The following AHI1 variants were observed in gnomAD, a reference collection of about 807,000 sequenced individuals.
The protein encoded by AHI1 is jouberin.
Under a neutral mutation model 149.3 loss-of-function variants are expected in AHI1, and 123 were observed. The observed-to-expected ratio is 0.82, with a 90% CI of 0.71 to 0.96. The LOEUF is 0.96. Among genes scored for constraint, AHI1 ranks in the 40% least tolerant of loss-of-function variants. The pLI is 0.00. For synonymous variants in AHI1, 475 were observed against 459.8 expected, an observed-to-expected ratio of 1.03 and a Z score of -0.42; for missense variants, 1,439 against 1,422.7, an observed-to-expected ratio of 1.01 and a Z score of -0.18.
chr6:135,296,409 TCC>T (rs1783099731), intron 27 of AHI1, among the ~76,000 whole-genome samples: 1 of 152,190 alleles, frequency 6.6e-6, no homozygotes, highest in Admixed American at 6.5e-5. Flanking sequence ...TTTAATGGCT[TCC>T]TACTTCACTT....
Position 135,336,653 on chromosome 6 carries a change from A to G in AHI1, c.3166-13329T>C, listed in dbSNP as rs112643546. On this transcript the variant is annotated intron_variant, in intron 24 of 28. Transcript: ENST00000265602. Reference sequence around the variant, plus strand: ...TCTGTTTCTTAAACATCTCATTTAGATGCTTTAATTTTATTCAACCAAGGT... The same window carrying G: ...TCTGTTTCTTAAACATCTCATTTAGGTGCTTTAATTTTATTCAACCAAGGT... 5.7e-3 allele frequency among the ~76,000 whole-genome samples: 875 copies of G among 152,280 alleles called. 2 individuals are homozygous for G. The highest frequency in any genetic ancestry group is 9.2e-3 in the Non-Finnish European group (629 of 68,020).
intron 26 of AHI1, among the ~76,000 whole-genome samples, chr6:135,318,179 C>T (rs76209948): frequency 0.012 from 1,773 of 152,286 alleles, 27 homozygotes; most frequent in African/African-American, 0.039. Flanking sequence ...AAATGTTTAC[C>T]TCTCAGGTGG....
intron 23 of AHI1, among the ~76,000 whole-genome samples, chr6:135,364,467 G>T (rs1286456014): frequency 6.0e-5 from 9 of 150,760 alleles, no homozygotes; most frequent in Non-Finnish European, 1.0e-4. Context: ...AGGCGGAGAC[G>T]CTCCTCACTT....
chr6:135,415,092 C>T (rs1431999757), intron 20 of AHI1, among the ~76,000 whole-genome samples: 1 of 151,018 alleles, frequency 6.6e-6, no homozygotes, highest in African/African-American at 2.4e-5. Flanking sequence ...CGATAGTTTG[C>T]TGAGAATAAT....
chr6:135,473,675 T>A (rs944801216), intron 5 of AHI1, among the ~76,000 whole-genome samples: 8 of 152,162 alleles, frequency 5.3e-5, no homozygotes, highest in African/African-American at 1.9e-4. Flanking sequence ...GTCTTTATAT[T>A]CAGCACTTTG....
intron 8 of AHI1, among the ~76,000 whole-genome samples, chr6:135,461,953 T>C (rs925066254): frequency 6.6e-6 from 1 of 152,070 alleles, no homozygotes; most frequent in African/African-American, 2.4e-5. Context: ...GTGATTTTTC[T>C]GGGTGCTAAT....
chr6:135,385,337 G>C (rs1467286195), intron 23 of AHI1, among the ~76,000 whole-genome samples: 1 of 152,084 alleles, frequency 6.6e-6, no homozygotes, highest in East Asian at 1.9e-4. Context: ...ATAAGACATG[G>C]AAGAAAAGAG....
At chr6:135,330,856 T>C (rs1395917124) in intron 24 of AHI1, among the ~76,000 whole-genome samples, 1 of 152,234 alleles carries the variant, frequency 6.6e-6, no homozygotes, top group Non-Finnish European at 1.5e-5. Context: ...ATCATCATAT[T>C]GTATGTAGTA....
intron 15 of AHI1, among the ~76,000 whole-genome samples, chr6:135,433,806 T>C (rs931715772): frequency 2.0e-5 from 3 of 151,996 alleles, no homozygotes; most frequent in South Asian, 2.1e-4. Flanking sequence ...TCAAGTAAAA[T>C]AAGATTAAAA....
At chr6:135,474,499 T>G (rs1397038783) in intron 5 of AHI1, 3 of 152,156 alleles carry the variant, frequency 2.0e-5, no homozygotes, top group African/African-American at 7.2e-5. Context: ...TATTCTTTTT[T>G]TTTTTTTAGA....
intron 21 of AHI1, among the ~76,000 whole-genome samples, chr6:135,408,750 C>CAAGG (rs1457055353): frequency 6.6e-6 from 1 of 152,084 alleles, no homozygotes; most frequent in East Asian, 1.9e-4. Flanking sequence ...AAACAATGAA[C>CAAGG]AAGGGTGCAC....
chr6:135,393,440 ATAG>A (rs1778799583), intron 23 of AHI1, among the ~76,000 whole-genome samples: 1 of 152,114 alleles, frequency 6.6e-6, no homozygotes, highest in Non-Finnish European at 1.5e-5. Flanking sequence ...GCTGGTAGGG[ATAG>A]AGTGGTGGAG....
chr6:135,394,741 T>C (rs768208795), intron 23 of AHI1, 35 bp downstream of exon 23: 2 of 1,606,442 alleles, frequency 1.2e-6, no homozygotes, highest in Non-Finnish European at 1.7e-6. Context: ...CATCTGAACA[T>C]TTAAAAGAAT....
At chr6:135,387,492 A>C (rs555433700) in intron 23 of AHI1, among the ~76,000 whole-genome samples, 29 of 152,358 alleles carry the variant, frequency 1.9e-4, no homozygotes, top group Non-Finnish European at 3.5e-4. Flanking sequence ...AGACGGCTTA[A>C]GGGTGGTACT....
intron 24 of AHI1, among the ~76,000 whole-genome samples, chr6:135,327,593 A>ATGT (rs1787897653): frequency 1.3e-5 from 2 of 152,056 alleles, no homozygotes; most frequent in African/African-American, 4.8e-5. Flanking sequence ...AATGGTGGGT[A>ATGT]TGTTAGGCCT....
Position 135,465,939 on chromosome 6 carries a change from T to C in AHI1, c.624A>G (p.Ile208Met), listed in dbSNP as rs1186817196. The stretch of plus-strand genomic sequence containing the variant: ...TCAACTGTTCTTTCAGTTTCTTTCT[T>C]ATTTTCCTCTTAATCTCCTTTGCCA... ...EEMAKEIKRK[I>M]RKKLKEQLTY... Residue 208 changes from isoleucine (I) to methionine (M), a missense_variant, in exon 7 of 29, where the codon ATA (isoleucine) becomes ATG (methionine). Coordinates refer to ENST00000265602, the MANE Select transcript of AHI1 (RefSeq NM_001134831.2). 5.0e-6 allele frequency: 8 copies of C among 1,608,520 alleles called. No homozygotes were observed. The East Asian group carries it at 1.3e-4, about 27-fold the overall frequency.
chr6:135,442,472 TTAGTAG>T, intron 14 of AHI1, 104 bp downstream of exon 14: 1 of 1,144,672 alleles, frequency 8.7e-7, no homozygotes, highest in South Asian at 3.0e-5. Flanking sequence ...TTTCTTTAAT[TTAGTAG>T]TACAGGGGAT....
intron 23 of AHI1, among the ~76,000 whole-genome samples, chr6:135,364,341 G>A (rs1268236974): frequency 3.3e-5 from 5 of 151,448 alleles, no homozygotes; most frequent in East Asian, 2.0e-4. Context: ...GATGGCGGCC[G>A]GGAAGAGGCG....
intron 20 of AHI1, among the ~76,000 whole-genome samples, chr6:135,416,019 G>A (rs1040687708): frequency 6.6e-6 from 1 of 152,108 alleles, no homozygotes; most frequent in Non-Finnish European, 1.5e-5. Flanking sequence ...AGGGCACAAA[G>A]TAACTTTTGG....
Sources: allele counts gnomAD v4.1 joint callset (sites outside exome capture counted in the v4.1 genomes callset), GRCh38; gene constraint gnomAD v4.1.1; transcripts MANE v1.5; gene names NCBI Gene and HGNC (gene_info 2026-07-23, HGNC 2026-07-21).